NLGN1: variants seen among roughly 807,000 people sequenced by gnomAD.
NLGN1 encodes the protein neuroligin-1.
A neutral mutation model predicts 65.5 loss-of-function variants in NLGN1; 12 were observed. The ratio of observed to expected loss-of-function variants is 0.18; its 90% CI spans 0.12 to 0.30. NLGN1 has a LOEUF of 0.30. Among genes scored for constraint, NLGN1 ranks in the 10% least tolerant of loss-of-function variants. The pLI is 1.00. For synonymous variants in NLGN1, 350 were observed against 359.5 expected (o/e 0.97, Z 0.30); for missense variants, 750 against 1,007.1 (o/e 0.74, Z 3.46).
chr3:174,108,450 G>A (rs1189979916), intron 4 of NLGN1, among the ~76,000 whole-genome samples: 1 of 151,766 alleles, frequency 6.6e-6, no homozygotes, highest in African/African-American at 2.4e-5. Context: ...GACTATATGA[G>A]GCATAAAGAA....
intron 4 of NLGN1, among the ~76,000 whole-genome samples, chr3:173,970,151 A>G (rs1715877177): frequency 6.6e-6 from 1 of 152,194 alleles, no homozygotes; most frequent in African/African-American, 2.4e-5. Context: ...ATGCAAAACC[A>G]TTTAAACAAG....
rs564624737 is a variant in NLGN1, at chr3:174,270,801, T to G, written c.647-4514T>G. Among the ~76,000 whole-genome samples, 13 of 151,720 alleles carry G rather than the reference T, an allele frequency of 8.6e-5. No homozygotes were observed. In the South Asian group the frequency reaches 2.7e-3, roughly 31 times the overall value. Reference sequence around the variant, plus strand: ...ATGGCAACTGAAAAGATAAGGAGAGTTAGCACATAGGATTTCGAGTTGGAT... The same window carrying G: ...ATGGCAACTGAAAAGATAAGGAGAGGTAGCACATAGGATTTCGAGTTGGAT... On this transcript the variant is annotated intron_variant, in intron 4 of 6. Transcript: ENST00000457714.
At chr3:174,185,690 CAAATT>C (rs1479746067) in intron 4 of NLGN1, among the ~76,000 whole-genome samples, 1 of 151,512 alleles carries the variant, frequency 6.6e-6, no homozygotes, top group African/African-American at 2.4e-5. Flanking sequence ...GAAAAAGTAA[CAAATT>C]TAATGGTGTC....
intron 4 of NLGN1, among the ~76,000 whole-genome samples, chr3:174,139,686 A>C (rs190235979): frequency 1.5e-4 from 23 of 152,284 alleles, no homozygotes; most frequent in African/African-American, 5.3e-4. Context: ...AAGAAACGCC[A>C]AAATGTCTCC....
chr3:173,418,514 A>G (rs2148680035), intron 1 of NLGN1, among the ~76,000 whole-genome samples: 2 of 152,248 alleles, frequency 1.3e-5, no homozygotes, highest in Middle Eastern at 6.8e-3. Flanking sequence ...CAGATATTAC[A>G]TTCTTTTTGA....
chr3:174,071,803 G>A (rs144313256), intron 4 of NLGN1, among the ~76,000 whole-genome samples: 11 of 151,784 alleles, frequency 7.2e-5, no homozygotes, highest in Non-Finnish European at 1.0e-4. Context: ...AGTTCATTCC[G>A]TTATTTATTA....
At chr3:173,776,183 C>T (rs890850408) in intron 3 of NLGN1, among the ~76,000 whole-genome samples, 1 of 151,906 alleles carries the variant, frequency 6.6e-6, no homozygotes, top group African/African-American at 2.4e-5. Flanking sequence ...CAACTTTCTC[C>T]AAATATCGGG....
intron 4 of NLGN1, among the ~76,000 whole-genome samples, chr3:173,874,641 G>A (rs898681805): frequency 2.0e-5 from 3 of 152,170 alleles, no homozygotes; most frequent in African/African-American, 7.2e-5. Context: ...TTAGAGGTTA[G>A]TGATGATAAA....
intron 4 of NLGN1, among the ~76,000 whole-genome samples, chr3:173,983,475 A>T (rs1301725360): frequency 6.6e-6 from 1 of 152,116 alleles, no homozygotes; most frequent in Non-Finnish European, 1.5e-5. Flanking sequence ...AATCAGAGAC[A>T]TGTGTATCCT....
At chr3:173,712,783 A>G (rs1191149851) in intron 3 of NLGN1, among the ~76,000 whole-genome samples, 1 of 152,020 alleles carries the variant, frequency 6.6e-6, no homozygotes, top group African/African-American at 2.4e-5. Flanking sequence ...TTTTCTTGAA[A>G]CTTGAGGCGT....
intron 4 of NLGN1, among the ~76,000 whole-genome samples, chr3:174,108,301 A>T (rs778964242): frequency 2.6e-4 from 40 of 152,066 alleles, no homozygotes; most frequent in Non-Finnish European, 4.7e-4. Flanking sequence ...TTTGTATAAG[A>T]TGTGAAACTT....
chr3:174,022,133 A>G (rs1035983611), intron 4 of NLGN1, among the ~76,000 whole-genome samples: 1 of 152,168 alleles, frequency 6.6e-6, no homozygotes, highest in South Asian at 2.1e-4. Context: ...TTCTTGATGC[A>G]TGCTTGGTTG....
At chr3:173,994,122 G>A (rs1186031608) in intron 4 of NLGN1, among the ~76,000 whole-genome samples, 1 of 151,880 alleles carries the variant, frequency 6.6e-6, no homozygotes, top group African/African-American at 2.4e-5. Context: ...CTTAAAAATT[G>A]TAAAATACAG....
At chr3:174,232,542 G>C (rs1381708695) in intron 4 of NLGN1, among the ~76,000 whole-genome samples, 1 of 152,052 alleles carries the variant, frequency 6.6e-6, no homozygotes, top group Admixed American at 6.5e-5. Flanking sequence ...TGTATACATG[G>C]GACCCTTCAG....
At chr3:173,432,266 C>T (rs148802053) in intron 1 of NLGN1, among the ~76,000 whole-genome samples, 5 of 152,290 alleles carry the variant, frequency 3.3e-5, no homozygotes, top group African/African-American at 9.6e-5. Flanking sequence ...GCTGGATCAT[C>T]GGGTACGAGT....
chr3:174,219,447 C>T (rs919379043), intron 4 of NLGN1, among the ~76,000 whole-genome samples: 1 of 152,092 alleles, frequency 6.6e-6, no homozygotes, highest in Admixed American at 6.6e-5. Flanking sequence ...GGCATAATCA[C>T]AGGGGTTGCT....
intron 2 of NLGN1, among the ~76,000 whole-genome samples, chr3:173,572,235 T>C (rs903530746): frequency 1.3e-5 from 2 of 152,180 alleles, no homozygotes; most frequent in South Asian, 4.1e-4. Flanking sequence ...ATTTAATTGG[T>C]CTTGAAGGAG....
chr3:173,816,012 TTAAA>T (rs1329760239), intron 4 of NLGN1, among the ~76,000 whole-genome samples: 11 of 148,126 alleles, frequency 7.4e-5, no homozygotes, highest in African/African-American at 2.4e-4. Flanking sequence ...TAATAGTTAA[TTAAA>T]TATATTTACA....
chr3:173,777,015 G>C (rs1262231381), intron 3 of NLGN1, among the ~76,000 whole-genome samples: 2 of 151,898 alleles, frequency 1.3e-5, no homozygotes, highest in Non-Finnish European at 2.9e-5. Flanking sequence ...AAAGCAGTAA[G>C]AGTGATTAAA....
Sources: gnomAD v4.1 joint callset for allele counts (sites outside exome capture counted in the v4.1 genomes callset) on GRCh38, gnomAD v4.1.1 for gene constraint, MANE v1.5 for transcripts, NCBI Gene and HGNC (gene_info 2026-07-23, HGNC 2026-07-21) for gene names.